CUX2: variants seen among roughly 807,000 people sequenced by gnomAD.
The protein encoded by CUX2 is homeobox protein cut-like 2.
A neutral mutation model predicts 144.8 loss-of-function variants in CUX2; 40 were observed. That is an observed-to-expected ratio of 0.28 (90% confidence interval 0.21 to 0.36). The LOEUF (loss-of-function observed/expected upper bound fraction) is 0.36, where lower values mean the gene tolerates loss of function less well. CUX2 is among the 10% of genes least tolerant of loss of function. CUX2 has a pLI of 1.00. For missense variants in CUX2, 1,615 were observed against 1,994.0 expected, an observed-to-expected ratio of 0.81 and a Z score of 3.62; for synonymous variants, 827 against 875.6, an observed-to-expected ratio of 0.94 and a Z score of 0.98.
At chr12:111,318,238 C>CT (rs955839240) in intron 16 of CUX2, among the ~76,000 whole-genome samples, 3,673 of 109,404 alleles carry the variant, frequency 0.034, 387 homozygotes, top group African/African-American at 0.16. Context: ...ATTTTTTTTT[C>CT]TTTTTTCTTT....
rs80040159 is a variant in CUX2, at chr12:111,259,407, C to G, written c.223-4354C>G. The stretch of plus-strand genomic sequence containing the variant: ...TAGACACGTAAAACAGTGACCATGC[C>G]TTTGTTCCAATAAAACTTTATTTAC... On this transcript the variant is annotated intron_variant, in intron 3 of 21. Coordinates refer to ENST00000261726, the MANE Select transcript of CUX2 (RefSeq NM_015267.4). 1.8e-3 allele frequency among the ~76,000 whole-genome samples: 276 copies of G among 152,194 alleles called. 2 individuals carry two copies. The highest frequency in any genetic ancestry group is 6.2e-3 in the African/African-American group (259 of 41,540).
intron 1 of CUX2, among the ~76,000 whole-genome samples, chr12:111,056,131 A>G (rs1870512963): frequency 6.6e-6 from 1 of 152,242 alleles, no homozygotes; most frequent in Non-Finnish European, 1.5e-5. Context: ...GGACAGATCC[A>G]TGGATGCGTT....
chr12:111,157,814 G>A (rs939291310), intron 1 of CUX2, among the ~76,000 whole-genome samples: 1 of 152,192 alleles, frequency 6.6e-6, no homozygotes, highest in African/African-American at 2.4e-5. Context: ...AGGGATAGTA[G>A]TGTATAGCTT....
At position 111,263,126 on chromosome 12, in the gene CUX2, T is replaced by A. The variant is rs181939182; in HGVS notation, c.223-635T>A. ...TTTTCTAACTCCAGAGCCCACACTT[T>A]TAACCTTCATTTCTCCTTCTTGCCC... On this transcript the variant is annotated intron_variant, in intron 3 of 21. Transcript: ENST00000261726. The surrounding 1 kb of genome is among the most constrained non-coding windows in gnomAD (Gnocchi z 4.0). Among the ~76,000 whole-genome samples, 71 of 152,312 alleles carry A rather than the reference T, an allele frequency of 4.7e-4. No individual in the cohort carries two copies. Among genetic ancestry groups the A allele is most frequent in the Non-Finnish European group, 2.2e-4 (15 of 68,030 alleles).
chr12:111,187,704 T>C (rs1407633684), intron 1 of CUX2, among the ~76,000 whole-genome samples: 2 of 152,196 alleles, frequency 1.3e-5, no homozygotes, highest in Non-Finnish European at 2.9e-5. Context: ...CTGAGTGGCA[T>C]CTGTCCATGC....
rs777386725 is a variant in CUX2, at chr12:111,347,538, G to A, written c.3674G>A (p.Arg1225Gln). ...CTCTGCCCCAGGTCCCGGATGCGCC[G>A]GGAGATGTTGGTGGAGGGGACCCAG... ...WFHNYRSRMRREMLVEGTQDE... is the reference protein window; with the variant it reads ...WFHNYRSRMRQEMLVEGTQDE... Residue 1225 changes from arginine (R) to glutamine (Q), a missense_variant, in exon 22 of 22, where the codon CGG becomes CAG. Arg to Gln is a conservative substitution (Grantham distance 43). Transcript: ENST00000261726. 4 of 1,600,486 alleles carry A rather than the reference G, an allele frequency of 2.5e-6. No homozygotes were observed. Among genetic ancestry groups the A allele is most frequent in the East Asian group, 2.2e-5 (1 of 44,792 alleles).
intron 1 of CUX2, among the ~76,000 whole-genome samples, chr12:111,105,470 G>A (rs1358069917): frequency 3.3e-5 from 5 of 151,914 alleles, no homozygotes; most frequent in African/African-American, 1.2e-4. Flanking sequence ...GGCTAGTGTG[G>A]GAAGCTGGAA....
Position 111,034,188 on chromosome 12 carries a change from A to C in CUX2, c.11A>C (p.Asn4Thr). 1 of 1,396,160 alleles carries C rather than the reference A, an allele frequency of 7.2e-7. No individual in the cohort carries two copies. Among genetic ancestry groups the C allele is most frequent in the Non-Finnish European group, 9.6e-7 (1 of 1,045,160 alleles). 86.5% of individuals were successfully genotyped at this position (1,396,160 alleles called of 1,614,324 possible). The change falls in exon 1 of 22, where the codon AAT becomes ACT. Residue 4 changes from asparagine (N) to threonine (T), a missense_variant. Physicochemically the swap from Asn to Thr is moderately conservative, Grantham distance 65. Transcript: ENST00000261726. This position sits in a 1 kb window ranked among gnomAD's most constrained non-coding sequence, Gnocchi z 4.2. MAANVGSMFQYWKR... is the reference protein window; with the variant it reads MAATVGSMFQYWKR... ...TCGATAGCCCCCAAGATGGCCGCCA[A>C]TGTGGGATCGATGTTTCAATATTGG...
At chr12:111,275,189 C>T (rs1884807105) in intron 4 of CUX2, among the ~76,000 whole-genome samples, 1 of 152,196 alleles carries the variant, frequency 6.6e-6, no homozygotes, top group South Asian at 2.1e-4. Flanking sequence ...GTGTGTCGGA[C>T]AAAGGCGGGT....
At chr12:111,221,003 C>T (rs918929783) in intron 3 of CUX2, among the ~76,000 whole-genome samples, 2 of 150,852 alleles carry the variant, frequency 1.3e-5, no homozygotes, top group African/African-American at 4.9e-5. Context: ...GAGGCAGTCC[C>T]AGGGTCTGGC....
intron 1 of CUX2, among the ~76,000 whole-genome samples, chr12:111,095,151 A>G (rs1389926794): frequency 6.6e-6 from 1 of 152,114 alleles, no homozygotes; most frequent in Non-Finnish European, 1.5e-5. Context: ...TGGGGTGGGA[A>G]CAGCTGTGGT....
At chr12:111,300,103 A>G (rs1454791626) in intron 9 of CUX2, among the ~76,000 whole-genome samples, 1 of 152,002 alleles carries the variant, frequency 6.6e-6, no homozygotes, top group African/African-American at 2.4e-5. Context: ...TGCCCAGAAT[A>G]TATCTATTTT....
intron 1 of CUX2, among the ~76,000 whole-genome samples, chr12:111,204,753 G>A (rs919258989): frequency 2.0e-5 from 3 of 152,198 alleles, no homozygotes; most frequent in Admixed American, 6.5e-5. Context: ...AGAGGGAAAT[G>A]AACTTTTGTA....
intron 1 of CUX2, among the ~76,000 whole-genome samples, chr12:111,132,631 A>G (rs181191750): frequency 1.6e-5 from 2 of 127,942 alleles, no homozygotes; most frequent in African/African-American, 6.1e-5. Context: ...CAATGGCACT[A>G]TCTCAACTAA....
chr12:111,320,027 C>T lies in CUX2; in HGVS notation c.2018C>T (p.Ser673Leu), dbSNP rs773880108. ...CTCCCCGCAGGCGAGCCCAAGACCT[C>T]GGTGGCCCCGCTGAGCATCGCCAAC... ...ESQKGGEPKT[S>L]VAPLSIANGT... Residue 673 changes from serine (S) to leucine (L), a missense_variant, in exon 17 of 22, where the codon TCG becomes TTG. Around this residue, in one of 12 missense-constraint regions of CUX2, gnomAD observed 390 missense variants for 387.1 expected, o/e 1.01. Transcript: ENST00000261726. This position sits in a 1 kb window ranked among gnomAD's most constrained non-coding sequence, Gnocchi z 8.1. 7.8e-6 allele frequency: 12 copies of T among 1,532,190 alleles called. No homozygotes were observed. Among genetic ancestry groups the T allele is most frequent in the South Asian group, 6.0e-5 (5 of 83,118 alleles). 94.9% of individuals were successfully genotyped at this position (1,532,190 alleles called of 1,614,324 possible).
Position 111,129,676 on chromosome 12 carries a change from A to G in CUX2, c.64-84524A>G, listed in dbSNP as rs192215124. Among the ~76,000 whole-genome samples the G allele has an allele frequency of 4.1e-3, 621 of 152,316 alleles. 5 individuals are homozygous for G. Among genetic ancestry groups the G allele is most frequent in the African/African-American group, 0.014 (597 of 41,568 alleles). ...ACCCCTGATCTTTCTAGTCCTTTAT[A>G]GTGACGCTAATCTCTGCCAGCCCTC... On this transcript the variant is annotated intron_variant, in intron 1 of 21. Coordinates refer to ENST00000261726, the MANE Select transcript of CUX2 (RefSeq NM_015267.4).
Position 111,320,702 on chromosome 12 carries a change from C to T in CUX2, c.2693C>T (p.Thr898Met), listed in dbSNP as rs1464869601. 2 of 1,591,838 alleles carry T rather than the reference C, an allele frequency of 1.3e-6. No homozygotes were observed. The highest frequency in any genetic ancestry group is 1.1e-5 in the South Asian group (1 of 90,214). ...YELYMYREVDTLELTRQVKEK... is the reference protein window; with the variant it reads ...YELYMYREVDMLELTRQVKEK... ...CTGTACATGTACCGTGAGGTAGACACGCTGGAGCTCACCCGCCAGGTCAAG... is the reference window on the plus strand; with the variant it reads ...CTGTACATGTACCGTGAGGTAGACATGCTGGAGCTCACCCGCCAGGTCAAG... Residue 898 changes from threonine (T) to methionine (M), a missense_variant, in exon 17 of 22, where the codon ACG becomes ATG. By Grantham distance (81) the Thr-to-Met change is moderately conservative (BLOSUM62 -1). Coordinates refer to ENST00000261726, the MANE Select transcript of CUX2 (RefSeq NM_015267.4). This position sits in a 1 kb window ranked among gnomAD's most constrained non-coding sequence, Gnocchi z 8.1.
chr12:111,148,292 G>GT (rs911528503), intron 1 of CUX2, among the ~76,000 whole-genome samples: 2 of 150,542 alleles, frequency 1.3e-5, no homozygotes, highest in African/African-American at 4.9e-5. Context: ...GACAAATACT[G>GT]TATGATTCCA....
chr12:111,335,541 T>C (rs6490061), intron 19 of CUX2, among the ~76,000 whole-genome samples: 46,220 of 151,720 alleles, frequency 0.3, 8,224 homozygotes, highest in East Asian at 0.61. Flanking sequence ...TGAAACCCCA[T>C]CTCTACTAAA....
Sources: allele counts gnomAD v4.1 joint callset (sites outside exome capture counted in the v4.1 genomes callset), GRCh38; gene constraint gnomAD v4.1.1; regional missense constraint gnomAD v4.1.1; non-coding constraint Gnocchi (gnomAD v3.1); transcripts MANE v1.5; gene names NCBI Gene and HGNC (gene_info 2026-07-23, HGNC 2026-07-21).